CSNK1G3: variants seen among roughly 807,000 people sequenced by gnomAD.
The protein encoded by CSNK1G3 is casein kinase I isoform gamma-3.
CSNK1G3 carries 23 observed loss-of-function variants against 64.3 expected under a neutral mutation model. The ratio of observed to expected loss-of-function variants is 0.36; its 90% CI spans 0.26 to 0.51. The LOEUF (loss-of-function observed/expected upper bound fraction) is 0.51. Among genes scored for constraint, CSNK1G3 ranks in the 20% least tolerant of loss-of-function variants. The pLI is 0.96. For missense variants in CSNK1G3, 357 were observed against 510.5 expected (o/e 0.70, Z 2.90); for synonymous variants, 158 against 162.2 (o/e 0.97, Z 0.20).
intron 10 of CSNK1G3, among the ~76,000 whole-genome samples, chr5:123,601,020 A>G (rs529429913): frequency 6.6e-6 from 1 of 151,782 alleles, no homozygotes; most frequent in South Asian, 2.1e-4. Flanking sequence ...TACCTGAATT[A>G]TTTTTTGAAA....
chr5:123,595,207 G>C, intron 10 of CSNK1G3, 73 bp downstream of exon 11: 1 of 1,305,552 alleles, frequency 7.7e-7, no homozygotes, highest in Non-Finnish European at 1.1e-6. Flanking sequence ...GGAACTCATG[G>C]CATGATTTCA....
At chr5:123,613,134 C>G (rs1339908410) in intron 12 of CSNK1G3, among the ~76,000 whole-genome samples, 4 of 151,106 alleles carry the variant, frequency 2.6e-5, no homozygotes, top group African/African-American at 4.9e-5. Flanking sequence ...TACCTTCATG[C>G]CTTTATTTGA....
chr5:123,530,581 G>A (rs1214319881), intron 1 of CSNK1G3, among the ~76,000 whole-genome samples: 2 of 152,010 alleles, frequency 1.3e-5, no homozygotes, highest in African/African-American at 4.8e-5. Flanking sequence ...TAAAAAAACT[G>A]TTGTCTGAGA....
chr5:123,527,621 A>G (rs1779301207), intron 1 of CSNK1G3, among the ~76,000 whole-genome samples: 1 of 152,174 alleles, frequency 6.6e-6, no homozygotes, highest in African/African-American at 2.4e-5. Context: ...CTTTGCATAT[A>G]CTAGTCTATG....
chr5:123,538,468 A>G (rs544301074), intron 1 of CSNK1G3, among the ~76,000 whole-genome samples: 1 of 152,274 alleles, frequency 6.6e-6, no homozygotes, highest in South Asian at 2.1e-4. Flanking sequence ...CAATTTGTAT[A>G]TATTCTTTGT....
chr5:123,522,012 C>G (rs979434629), intron 1 of CSNK1G3, among the ~76,000 whole-genome samples: 1 of 152,130 alleles, frequency 6.6e-6, no homozygotes, highest in Non-Finnish European at 1.5e-5. Context: ...ACTAATTTCT[C>G]CTTCTTTTTA....
chr5:123,521,739 C>A (rs966728756), intron 1 of CSNK1G3, among the ~76,000 whole-genome samples: 10 of 151,918 alleles, frequency 6.6e-5, no homozygotes, highest in African/African-American at 2.4e-4. Flanking sequence ...TCATGCAGTC[C>A]TTGCTATGGG....
chr5:123,554,462 C>T (rs1043567195), intron 3 of CSNK1G3, among the ~76,000 whole-genome samples: 3 of 152,090 alleles, frequency 2.0e-5, no homozygotes, highest in Middle Eastern at 3.4e-3. Flanking sequence ...TTCTATGGGC[C>T]GATGTACATA....
chr5:123,598,819 C>G (rs1793918390), intron 10 of CSNK1G3, among the ~76,000 whole-genome samples: 1 of 151,920 alleles, frequency 6.6e-6, no homozygotes, highest in African/African-American at 2.4e-5. Flanking sequence ...TTGCTGGACA[C>G]TAGATTGAAA....
At chr5:123,575,664 A>G in intron 5 of CSNK1G3, 65 bp from the exon 6 acceptor site, 1 of 930,070 alleles carries the variant, frequency 1.1e-6, no homozygotes, top group Non-Finnish European at 1.7e-6. Context: ...TCTTGCCTTT[A>G]TCATACTTGC....
intron 10 of CSNK1G3, among the ~76,000 whole-genome samples, chr5:123,601,696 A>G (rs900903301): frequency 6.6e-6 from 1 of 152,150 alleles, no homozygotes; most frequent in African/African-American, 2.4e-5. Flanking sequence ...TGAGTTTTTC[A>G]TTTTCAATTA....
At chr5:123,595,906 G>A (rs1793355550) in intron 10 of CSNK1G3, among the ~76,000 whole-genome samples, 1 of 151,920 alleles carries the variant, frequency 6.6e-6, no homozygotes, top group Non-Finnish European at 1.5e-5. Context: ...TAATCTAAAA[G>A]CCAGCTTAAA....
intron 4 of CSNK1G3, among the ~76,000 whole-genome samples, chr5:123,570,994 TAAC>T (rs1234891560): frequency 7.9e-5 from 12 of 152,178 alleles, no homozygotes; most frequent in African/African-American, 2.9e-4. Flanking sequence ...GGAATAAACT[TAAC>T]AAGCCTCTCA....
intron 10 of CSNK1G3, among the ~76,000 whole-genome samples, chr5:123,593,776 A>G (rs1792887211): frequency 6.6e-6 from 1 of 152,058 alleles, no homozygotes. Context: ...GTAATTTTGC[A>G]TTGTACAATT....
chr5:123,590,628 T>A (rs745440168), intron 9 of CSNK1G3, 70 bp downstream of exon 9: 1 of 923,522 alleles, frequency 1.1e-6, no homozygotes, highest in Non-Finnish European at 1.5e-6. Context: ...ATATCTTCAA[T>A]TGAAAAGAGT....
Position 123,590,572 on chromosome 5 carries a change from A to C in CSNK1G3, c.990+14A>C. The C allele has an allele frequency of 7.2e-7, 1 of 1,393,580 alleles. No homozygotes were observed. The highest frequency in any genetic ancestry group is 9.6e-7 in the Non-Finnish European group (1 of 1,040,620). 86.3% of individuals were successfully genotyped at this position (1,393,580 alleles called of 1,614,324 possible). A position where few individuals can be genotyped will look rare whatever the true frequency, so the allele number is the denominator to read the frequency against. On this transcript the variant is annotated intron_variant, in intron 9 of 12. Transcript: ENST00000345990. Reference sequence around the variant, plus strand: ...GGTAAACAGTTGGTGAGTATTCTATATAATAATATATTACTTACAGTATCT... The same window carrying C: ...GGTAAACAGTTGGTGAGTATTCTATCTAATAATATATTACTTACAGTATCT...
At chr5:123,516,730 A>G in intron 1 of CSNK1G3, among the ~76,000 whole-genome samples, 1 of 152,356 alleles carries the variant, frequency 6.6e-6, no homozygotes, top group African/African-American at 2.4e-5. Flanking sequence ...AGTTATGTCC[A>G]CATGGCTAAA....
At chr5:123,604,219 A>T (rs140226367) in intron 10 of CSNK1G3, among the ~76,000 whole-genome samples, 32 of 152,220 alleles carry the variant, frequency 2.1e-4, no homozygotes, top group African/African-American at 7.5e-4. Flanking sequence ...AGTGACCCCT[A>T]CGTTTGAACA....
At chr5:123,541,797 A>G (rs748968971) in intron 1 of CSNK1G3, among the ~76,000 whole-genome samples, 1 of 150,814 alleles carries the variant, frequency 6.6e-6, no homozygotes, top group Non-Finnish European at 1.5e-5. Context: ...TAGTCTGACA[A>G]TTTTTTTCTT....
Sources: allele counts gnomAD v4.1 joint callset (sites outside exome capture counted in the v4.1 genomes callset), GRCh38; gene constraint gnomAD v4.1.1; transcripts MANE v1.5; gene names NCBI Gene and HGNC (gene_info 2026-07-23, HGNC 2026-07-21).